LCORL: variants seen among roughly 807,000 people sequenced by gnomAD.
LCORL encodes the protein ligand dependent nuclear receptor corepressor like.
Under a neutral mutation model 141.8 loss-of-function variants are expected in LCORL, and 41 were observed. The ratio of observed to expected loss-of-function variants is 0.29; its 90% confidence interval spans 0.23 to 0.38. The LOEUF is 0.38. Ranked by LOEUF, LCORL falls within the 10% of genes least tolerant of loss-of-function variation. The pLI is 1.00. For synonymous variants in LCORL, 618 were observed against 694.1 expected (o/e 0.89, Z 1.72); for missense variants, 1,759 against 2,035.0 (o/e 0.86, Z 2.61).
At chr4:17,863,210 G>A (rs779994634) in intron 7 of LCORL, among the ~76,000 whole-genome samples, 1 of 152,152 alleles carries the variant, frequency 6.6e-6, no homozygotes, top group Non-Finnish European at 1.5e-5. Context: ...CAGCTACTTG[G>A]GAGACTGAGG....
chr4:17,909,167 G>T, exon 5 of LCORL: 1 of 1,613,262 alleles, frequency 6.2e-7, no homozygotes. Flanking sequence ...CCTGAAGGGA[G>T]TTTTCTGCTT....
intron 4 of LCORL, among the ~76,000 whole-genome samples, chr4:17,956,601 C>T (rs973234662): frequency 1.1e-4 from 17 of 151,798 alleles, no homozygotes; most frequent in African/African-American, 2.2e-4. Flanking sequence ...CTTAAGAAAA[C>T]GCTGACCTCA....
chr4:17,908,789 A>G (rs902199633), intron 5 of LCORL, among the ~76,000 whole-genome samples: 2 of 152,122 alleles, frequency 1.3e-5, no homozygotes, highest in African/African-American at 4.8e-5. Context: ...TTCCACTATA[A>G]AAATAATTAT....
intron 7 of LCORL, among the ~76,000 whole-genome samples, chr4:17,848,688 G>T (rs1236408818): frequency 1.3e-5 from 2 of 152,150 alleles, no homozygotes; most frequent in African/African-American, 4.8e-5. Flanking sequence ...GCAGGACAGC[G>T]GGTGCAGTGC....
At chr4:17,843,445 A>C in exon 8 of LCORL, 1 of 1,608,366 alleles carries the variant, frequency 6.2e-7, no homozygotes, top group Non-Finnish European at 8.5e-7. Context: ...TGGAGGTGGA[A>C]TCCTTTAAGA....
At chr4:17,878,365 G>A (rs550741080) in intron 6 of LCORL, 152 bp from the exon 7 acceptor site, 1 of 195,708 alleles carries the variant, frequency 5.1e-6, no homozygotes, top group Admixed American at 6.6e-5. Context: ...TTATTGTTTA[G>A]CAAAAATATA....
At chr4:17,921,052 T>G (rs1734215143) in intron 4 of LCORL, among the ~76,000 whole-genome samples, 1 of 152,174 alleles carries the variant, frequency 6.6e-6, no homozygotes, top group African/African-American at 2.4e-5. Flanking sequence ...TGAGACAAAG[T>G]CTCACTCTGT....
At chr4:17,988,538 C>CT (rs1389331350) in intron 1 of LCORL, among the ~76,000 whole-genome samples, 1 of 152,134 alleles carries the variant, frequency 6.6e-6, no homozygotes, top group Non-Finnish European at 1.5e-5. Context: ...TACTCCTAAG[C>CT]TAATACCACA....
chr4:17,851,897 T>C (rs748099546), intron 7 of LCORL, among the ~76,000 whole-genome samples: 13 of 152,222 alleles, frequency 8.5e-5, no homozygotes, highest in Admixed American at 6.5e-4. Flanking sequence ...TTGTTTTAAT[T>C]TGCATTTCTC....
intron 5 of LCORL, among the ~76,000 whole-genome samples, chr4:17,905,290 T>C (rs921546260): frequency 3.9e-5 from 6 of 152,238 alleles, no homozygotes; most frequent in African/African-American, 1.4e-4. Flanking sequence ...CATAAATATA[T>C]CAGCTTTTGT....
intron 1 of LCORL, among the ~76,000 whole-genome samples, chr4:17,998,689 C>T (rs966095472): frequency 1.3e-5 from 2 of 151,766 alleles, no homozygotes; most frequent in South Asian, 2.1e-4. Flanking sequence ...AGTACATGTT[C>T]GGACATGGTG....
At chr4:17,902,503 AT>A (rs1731042952) in intron 5 of LCORL, among the ~76,000 whole-genome samples, 1 of 152,144 alleles carries the variant, frequency 6.6e-6, no homozygotes, top group South Asian at 2.1e-4. Flanking sequence ...GGACATAGAA[AT>A]TTTTTTGAAC....
intron 1 of LCORL, among the ~76,000 whole-genome samples, chr4:17,997,263 G>A (rs907818280): frequency 3.9e-5 from 6 of 152,084 alleles, no homozygotes; most frequent in East Asian, 1.9e-4. Flanking sequence ...GTTGGAATTC[G>A]TTGTTACCAA....
At chr4:17,945,665 T>C (rs1294150718) in intron 4 of LCORL, among the ~76,000 whole-genome samples, 1 of 152,058 alleles carries the variant, frequency 6.6e-6, no homozygotes, top group Non-Finnish European at 1.5e-5. Context: ...TATCTTAAGT[T>C]TGTAGGCAGA....
intron 4 of LCORL, among the ~76,000 whole-genome samples, chr4:17,947,617 T>G (rs1739086797): frequency 6.6e-6 from 1 of 151,966 alleles, no homozygotes; most frequent in African/African-American, 2.4e-5. Context: ...CTAGCTTTAT[T>G]TAATTATTCC....
intron 6 of LCORL, chr4:17,882,974 G>A (rs926918760): frequency 6.5e-6 from 6 of 921,484 alleles, no homozygotes; most frequent in Non-Finnish European, 7.8e-6. Context: ...TTTGTTCTTA[G>A]TACTCCATCT....
intron 7 of LCORL, among the ~76,000 whole-genome samples, chr4:17,859,372 C>A (rs1449632548): frequency 1.3e-5 from 2 of 151,952 alleles, no homozygotes; most frequent in African/African-American, 4.8e-5. Context: ...AGCATCAGTA[C>A]TAAGAGAAAA....
chr4:18,001,327 T>C (rs912165237), intron 1 of LCORL, among the ~76,000 whole-genome samples: 1 of 152,228 alleles, frequency 6.6e-6, no homozygotes, highest in Non-Finnish European at 1.5e-5. Context: ...ATTATTACCA[T>C]ACTACAATTA....
chr4:17,999,806 T>C (rs1286320427), intron 1 of LCORL, among the ~76,000 whole-genome samples: 4 of 152,202 alleles, frequency 2.6e-5, no homozygotes, highest in Non-Finnish European at 5.9e-5. Flanking sequence ...TGATACGATT[T>C]CTCAGTCTTT....
Sources: allele counts gnomAD v4.1 joint callset (sites outside exome capture counted in the v4.1 genomes callset), GRCh38; gene constraint gnomAD v4.1.1; transcripts MANE v1.5; gene names NCBI Gene and HGNC (gene_info 2026-07-23, HGNC 2026-07-21).